The following POLR2D variants were observed in gnomAD, a reference collection of about 807,000 sequenced individuals.
POLR2D encodes the protein RNA polymerase II subunit D.
A neutral mutation model predicts 17.6 loss-of-function variants in POLR2D; 10 were observed. The observed-to-expected ratio is 0.57, with a 90% CI of 0.35 to 0.96. POLR2D has a LOEUF of 0.96. POLR2D is among the 40% of genes least tolerant of loss of function. The probability of loss-of-function intolerance (pLI) is 0.02; values close to 1 mark genes in which losing one functional copy is unlikely to be tolerated. For synonymous variants in POLR2D, 52 were observed against 60.2 expected (o/e 0.86, Z 0.63); for missense variants, 126 against 176.4 (o/e 0.71, Z 1.62).
chr2:127,849,519 G>A (rs1232962727), intron 3 of POLR2D, among the ~76,000 whole-genome samples: 2 of 152,166 alleles, frequency 1.3e-5, no homozygotes, highest in Non-Finnish European at 2.9e-5. Flanking sequence ...TTATGGATAC[G>A]TAAATAATAT....
chr2:127,847,908 C>T lies in POLR2D; in HGVS notation c.*199G>A. The T allele has an allele frequency of 1.7e-6, 1 of 602,488 alleles. No homozygotes were observed. The highest frequency in any genetic ancestry group is 3.0e-6 in the Non-Finnish European group (1 of 336,264). 37.3% of individuals were successfully genotyped at this position (602,488 alleles called of 1,614,324 possible). Reference sequence around the variant, plus strand: ...AGCCACTGGCTGCCACTGCACAAGGCTGCTCCAAGATTCCATGTCACCTGG... The same window carrying T: ...AGCCACTGGCTGCCACTGCACAAGGTTGCTCCAAGATTCCATGTCACCTGG... On this transcript the variant is annotated 3_prime_UTR_variant, in exon 4 of 4. Coordinates refer to ENST00000272645, the MANE Select transcript of POLR2D (RefSeq NM_004805.4).
chr2:127,853,315 G>A (rs918396774), intron 1 of POLR2D, among the ~76,000 whole-genome samples: 1 of 152,096 alleles, frequency 6.6e-6, no homozygotes. Flanking sequence ...AAGGTTTGGC[G>A]AACAGACTAT....
chr2:127,850,728 A>C, intron 2 of POLR2D, 43 bp from the exon 3 acceptor site: 1 of 940,398 alleles, frequency 1.1e-6, no homozygotes. Context: ...ATCAAAAACA[A>C]ATAAACAACA....
intron 2 of POLR2D, among the ~76,000 whole-genome samples, chr2:127,851,997 C>G (rs1301140252): frequency 6.6e-6 from 1 of 152,132 alleles, no homozygotes; most frequent in East Asian, 1.9e-4. Flanking sequence ...CCATTTTGGT[C>G]AGGCTGGTCT....
chr2:127,845,830 A>T lies in POLR2D; in HGVS notation c.*2277T>A, dbSNP rs193298177. The stretch of plus-strand genomic sequence containing the variant: ...GTGAACATTTACTGGAACATACTAT[A>T]TATCAGACACCTCTAGGCTCTTTGT... On this transcript the variant is annotated 3_prime_UTR_variant, in exon 4 of 4. Coordinates refer to ENST00000272645, the MANE Select transcript of POLR2D (RefSeq NM_004805.4). 2.6e-4 allele frequency: 39 copies of T among 152,328 alleles called. No individual in the cohort carries two copies. The highest frequency in any genetic ancestry group is 9.1e-4 in the African/African-American group (38 of 41,574). The allele number at this position is 152,328 out of a possible 1,614,324, so 9.4% of individuals were successfully genotyped here.
At position 127,847,635 on chromosome 2, in the gene POLR2D, A is replaced by T; in HGVS notation, c.*472T>A. On this transcript the variant is annotated 3_prime_UTR_variant, in exon 4 of 4. Transcript: ENST00000272645. ...AGAGTTAAGACCCTATCTCCATTTAAAAAAAAAAAAAAAAAGCATTTCAAA... is the reference window on the plus strand; with the variant it reads ...AGAGTTAAGACCCTATCTCCATTTATAAAAAAAAAAAAAAAGCATTTCAAA... 7.3e-6 allele frequency: 1 copy of T among 137,748 alleles called. No individual in the cohort carries two copies. Among genetic ancestry groups the T allele is most frequent in the Admixed American group, 7.2e-5 (1 of 13,944 alleles). The allele number at this position is 137,748 out of a possible 1,614,324, so 8.5% of individuals were successfully genotyped here.
chr2:127,849,754 G>C (rs1690219428), intron 3 of POLR2D, among the ~76,000 whole-genome samples: 1 of 152,120 alleles, frequency 6.6e-6, no homozygotes, highest in Non-Finnish European at 1.5e-5. Context: ...ATCATTAGCA[G>C]TGGAGCATGA....
chr2:127,855,532 C>A (rs559893047), intron 1 of POLR2D, among the ~76,000 whole-genome samples: 1 of 152,140 alleles, frequency 6.6e-6, no homozygotes, highest in African/African-American at 2.4e-5. Context: ...AAGAACAATA[C>A]CCAAGTACTA....
intron 3 of POLR2D, 141 bp downstream of exon 3, chr2:127,850,440 CAAAAAAAAA>C (rs60975701): frequency 2.5e-4 from 27 of 108,466 alleles, no homozygotes; most frequent in Non-Finnish European, 3.0e-4. Flanking sequence ...AACTCCGTCT[CAAAAAAAAA>C]AAAAAAAAAA....
chr2:127,850,697 G>GAA lies in POLR2D; in HGVS notation c.255-14_255-13dup, dbSNP rs34858843. 3.6e-5 allele frequency: 37 copies of GAA among 1,033,554 alleles called. No individual in the cohort carries two copies. The highest frequency in any genetic ancestry group is 5.0e-5 in the Admixed American group (2 of 39,932). The allele number at this position is 1,033,554 out of a possible 1,614,324, so 64.0% of individuals were successfully genotyped here. On this transcript the variant is annotated splice_polypyrimidine_tract_variant and intron_variant, in intron 2 of 3. Transcript: ENST00000272645. ...TCTGGAGTAGCAAGCTAATCAAAAG[G>GAA]AAAAAAAAAAAATCAAAATAATCAA... is the stretch of plus-strand genomic sequence containing the variant.
At chr2:127,850,517 C>A in intron 3 of POLR2D, 73 bp downstream of exon 3, 1 of 579,658 alleles carries the variant, frequency 1.7e-6, no homozygotes, top group Non-Finnish European at 3.1e-6. Context: ...AACGCATACA[C>A]ATTTTAGACA....
intron 1 of POLR2D, 191 bp downstream of exon 1, chr2:127,857,837 C>T: frequency 7.6e-7 from 1 of 1,320,806 alleles, no homozygotes; most frequent in Non-Finnish European, 9.6e-7. Flanking sequence ...CATAAAATAA[C>T]CCAGTTGCCC....
rs1177529457 is a variant in POLR2D, at chr2:127,846,338, A to G, written c.*1769T>C. 1 of 152,098 alleles carries G rather than the reference A, an allele frequency of 6.6e-6. No homozygotes were observed. The highest frequency in any genetic ancestry group is 2.4e-5 in the African/African-American group (1 of 41,450). 9.4% of individuals were successfully genotyped at this position (152,098 alleles called of 1,614,324 possible). On this transcript the variant is annotated 3_prime_UTR_variant, in exon 4 of 4. Coordinates refer to ENST00000272645, the MANE Select transcript of POLR2D (RefSeq NM_004805.4). ...AACCATCCTGATTTTAAAAGCCAAC[A>G]CTGTTCTTTCTCCTTTTTCCTTGGA...
rs34858843 is a variant in POLR2D at position 127,850,697 on chromosome 2, G to GA, written c.255-13dup. Reference sequence around the variant, plus strand: ...TCTGGAGTAGCAAGCTAATCAAAAGGAAAAAAAAAAAATCAAAATAATCAA... The same window carrying GA: ...TCTGGAGTAGCAAGCTAATCAAAAGGAAAAAAAAAAAAATCAAAATAATCAA... On this transcript the variant is annotated splice_polypyrimidine_tract_variant and intron_variant, in intron 2 of 3. Coordinates refer to ENST00000272645, the MANE Select transcript of POLR2D (RefSeq NM_004805.4). The GA allele has an allele frequency of 8.7e-3, 8,837 of 1,019,300 alleles. No individual in the cohort carries two copies. Among genetic ancestry groups the GA allele is most frequent in the East Asian group, 0.012 (416 of 35,706 alleles). 63.1% of individuals were successfully genotyped at this position (1,019,300 alleles called of 1,614,324 possible).
intron 3 of POLR2D, among the ~76,000 whole-genome samples, chr2:127,849,176 C>G (rs1690205346): frequency 6.6e-6 from 1 of 152,066 alleles, no homozygotes; most frequent in African/African-American, 2.4e-5. Flanking sequence ...TCCCGAGTAG[C>G]CGGGACTACA....
rs77447517 is a variant in POLR2D, at chr2:127,850,435, C to G, written c.350+155G>C. On this transcript the variant is annotated intron_variant, in intron 3 of 3. Coordinates refer to ENST00000272645, the MANE Select transcript of POLR2D (RefSeq NM_004805.4). ...AGCCTGGGCAACAAGAGCGAAACTCCGTCTCAAAAAAAAAAAAAAAAAAAA... is the reference window on the plus strand; with the variant it reads ...AGCCTGGGCAACAAGAGCGAAACTCGGTCTCAAAAAAAAAAAAAAAAAAAA... Among the ~76,000 whole-genome samples the G allele has an allele frequency of 0.018, 1,686 of 92,702 alleles. 113 individuals carry two copies. The South Asian group carries it at 0.19, about 10-fold the overall frequency. The allele number at this position is 92,702 out of a possible 152,430, so 60.8% of individuals were successfully genotyped here.
chr2:127,853,879 T>A (rs935550614), intron 1 of POLR2D, among the ~76,000 whole-genome samples: 1 of 152,212 alleles, frequency 6.6e-6, no homozygotes. Context: ...CACGAGACAC[T>A]AACATTTAGC....
rs1690161263 is a variant in POLR2D, at chr2:127,846,664, T to G, written c.*1443A>C. 1 of 152,464 alleles carries G rather than the reference T, an allele frequency of 6.6e-6. No homozygotes were observed. The highest frequency in any genetic ancestry group is 1.5e-5 in the Non-Finnish European group (1 of 68,048). 9.4% of individuals were successfully genotyped at this position (152,464 alleles called of 1,614,324 possible). On this transcript the variant is annotated 3_prime_UTR_variant, in exon 4 of 4. Transcript: ENST00000272645. ...GAAGTAAAAAAAAAAAAAAATTTTT[T>G]TAAGTAGAATTGCAATTTTATTTTT...
intron 3 of POLR2D, 126 bp downstream of exon 3, chr2:127,850,464 A>G: frequency 2.6e-6 from 1 of 384,914 alleles, no homozygotes; most frequent in Non-Finnish European, 4.9e-6. Flanking sequence ...AAAAAAAAAA[A>G]GGCACTTTCA....
Sources: allele counts gnomAD v4.1 joint callset (sites outside exome capture counted in the v4.1 genomes callset), GRCh38; gene constraint gnomAD v4.1.1; transcripts MANE v1.5; gene names NCBI Gene and HGNC (gene_info 2026-07-23, HGNC 2026-07-21).